Variants in CTNNBL1 observed in about 807,000 individuals in gnomAD.
The protein encoded by CTNNBL1 is beta-catenin-like protein 1.
Under a neutral mutation model 72.7 loss-of-function variants are expected in CTNNBL1, and 31 were observed. The observed-to-expected ratio is 0.43, with a 90% CI of 0.32 to 0.58. CTNNBL1 has a LOEUF of 0.58. CTNNBL1 is among the 20% of genes least tolerant of loss of function. The probability of loss-of-function intolerance (pLI) is 0.08; values close to 1 mark genes in which losing one functional copy is unlikely to be tolerated. For synonymous variants in CTNNBL1, 240 were observed against 267.3 expected (o/e 0.90, Z 1.00); for missense variants, 534 against 725.1 (o/e 0.74, Z 3.03).
intron 15 of CTNNBL1, among the ~76,000 whole-genome samples, chr20:37,860,864 T>A (rs1042915822): frequency 6.6e-6 from 1 of 152,258 alleles, no homozygotes; most frequent in African/African-American, 2.4e-5. Context: ...TAGTTATTGT[T>A]GTTAATCTCT....
chr20:37,758,194 G>A (rs2073381760), intron 5 of CTNNBL1, among the ~76,000 whole-genome samples: 1 of 152,228 alleles, frequency 6.6e-6, no homozygotes, highest in South Asian at 2.1e-4. Context: ...TCATCAGAGA[G>A]GAATTGGAGA....
chr20:37,860,276 G>T lies in CTNNBL1; in HGVS notation c.1535G>T (p.Arg512Leu), dbSNP rs1034379046. The T allele has an allele frequency of 5.6e-6, 9 of 1,613,670 alleles. No individual in the cohort carries two copies. The highest frequency in any genetic ancestry group is 1.3e-5 in the African/African-American group (1 of 74,882). The change falls in exon 15 of 16, where the codon CGC becomes CTC. Residue 512 changes from arginine (R) to leucine (L), a missense_variant. Transcript: ENST00000361383. ...EICNANVPQIRQRVHQILNMR... is the reference protein window; with the variant it reads ...EICNANVPQILQRVHQILNMR... ...ACCCATTTTTTCCCTTATTAGATTC[G>T]CCAGAGGGTTCACCAGATCCTAAAC...
chr20:37,806,577 G>C (rs2071962623), intron 11 of CTNNBL1, among the ~76,000 whole-genome samples: 1 of 152,198 alleles, frequency 6.6e-6, no homozygotes, highest in South Asian at 2.1e-4. Flanking sequence ...ACATATTTAT[G>C]AGGGGAGTCA....
Position 37,737,387 on chromosome 20 carries a change from T to C in CTNNBL1, c.229T>C (p.Leu77=). 6 of 1,612,708 alleles carry C rather than the reference T, an allele frequency of 3.7e-6. No homozygotes were observed. Among genetic ancestry groups the C allele is most frequent in the Middle Eastern group, 1.7e-4 (1 of 6,054 alleles). The part of the protein sequence containing the change: ...GEEEEEEEEP[L]DESSVKKMIL... ...TGTCTCTTTGTACCAGGAGGAGCCA[T>C]TGGATGAAAGCTCAGTGAAGAAAAT... The change falls in exon 3 of 16, where the codon TTG becomes CTG. Residue 77 remains leucine, a synonymous_variant. Coordinates refer to ENST00000361383, the MANE Select transcript of CTNNBL1 (RefSeq NM_030877.5).
intron 11 of CTNNBL1, among the ~76,000 whole-genome samples, chr20:37,806,449 G>T (rs761118910): frequency 2.0e-5 from 3 of 152,218 alleles, no homozygotes; most frequent in Non-Finnish European, 4.4e-5. Context: ...AGTCTGTGGC[G>T]TGTACTAAAG....
intron 11 of CTNNBL1, among the ~76,000 whole-genome samples, chr20:37,831,129 C>T (rs766822903): frequency 2.4e-4 from 37 of 152,190 alleles, no homozygotes; most frequent in Non-Finnish European, 1.6e-4. Context: ...TAGCCATTCA[C>T]CTGCCAGTGT....
chr20:37,782,235 A>G (rs563549564), intron 10 of CTNNBL1, among the ~76,000 whole-genome samples: 1 of 152,294 alleles, frequency 6.6e-6, no homozygotes, highest in South Asian at 2.1e-4. Context: ...ACTATAATAT[A>G]ATTTAATATG....
intron 7 of CTNNBL1, among the ~76,000 whole-genome samples, chr20:37,770,990 G>A (rs1950838069): frequency 6.6e-6 from 1 of 152,096 alleles, no homozygotes; most frequent in African/African-American, 2.4e-5. Context: ...TCAACATCGT[G>A]GTGACTCTTA....
intron 11 of CTNNBL1, among the ~76,000 whole-genome samples, chr20:37,823,788 G>A (rs1360810039): frequency 6.6e-6 from 1 of 152,148 alleles, no homozygotes; most frequent in Non-Finnish European, 1.5e-5. Flanking sequence ...GTGGGGAAAT[G>A]GAAGAACAAA....
rs1435320290 is a variant in CTNNBL1 at position 37,779,952 on chromosome 20, G to A, written c.1031+617G>A. ...AGAATCCTAAAGTTAGAAGCAAAAA[G>A]GGGAGAGGAAGCTTATGTTGATAAC... On this transcript the variant is annotated intron_variant, in intron 10 of 15. Coordinates refer to ENST00000361383, the MANE Select transcript of CTNNBL1 (RefSeq NM_030877.5). Among the ~76,000 whole-genome samples, 17 of 152,010 alleles carry A rather than the reference G, an allele frequency of 1.1e-4. 1 individual carries two copies. Among genetic ancestry groups the A allele is most frequent in the Admixed American group, 1.1e-3 (17 of 15,242 alleles).
intron 5 of CTNNBL1, among the ~76,000 whole-genome samples, chr20:37,764,235 G>A (rs919154315): frequency 1.3e-5 from 2 of 152,168 alleles, no homozygotes; most frequent in South Asian, 2.1e-4. Context: ...GCAGCAGACC[G>A]TGTCTTCAGA....
At chr20:37,757,428 G>C (rs1238676187) in intron 4 of CTNNBL1, 131 bp from the exon 5 acceptor site, 1 of 567,418 alleles carries the variant, frequency 1.8e-6, no homozygotes, top group Non-Finnish European at 3.2e-6. Context: ...TTGAAGAGAT[G>C]TTAATAAAAC....
chr20:37,758,712 T>A (rs752080880), intron 5 of CTNNBL1, among the ~76,000 whole-genome samples: 34 of 152,246 alleles, frequency 2.2e-4, no homozygotes, highest in Admixed American at 3.3e-4. Flanking sequence ...GTTCTTCTTC[T>A]GTTGTTTCTC....
At position 37,819,035 on chromosome 20, in the gene CTNNBL1, G is replaced by A. The variant is rs6021117; in HGVS notation, c.1213+15987G>A. 5.3e-4 allele frequency among the ~76,000 whole-genome samples: 81 copies of A among 152,050 alleles called. 2 individuals are homozygous for A. The highest frequency in any genetic ancestry group is 2.5e-3 in the South Asian group (12 of 4,806). On this transcript the variant is annotated intron_variant, in intron 11 of 15. Coordinates refer to ENST00000361383, the MANE Select transcript of CTNNBL1 (RefSeq NM_030877.5). Reference sequence around the variant, plus strand: ...ACTTTGCTGTATATTTCATCTTTGCGTCATTTCCAATACTGCAGGTATAAA... The same window carrying A: ...ACTTTGCTGTATATTTCATCTTTGCATCATTTCCAATACTGCAGGTATAAA...
intron 1 of CTNNBL1, among the ~76,000 whole-genome samples, chr20:37,709,232 A>T (rs2072916725): frequency 6.6e-6 from 1 of 152,210 alleles, no homozygotes; most frequent in South Asian, 2.1e-4. Context: ...AGCAGGCATG[A>T]TTGATTCTTG....
At chr20:37,820,256 T>C (rs2072094480) in intron 11 of CTNNBL1, among the ~76,000 whole-genome samples, 1 of 152,182 alleles carries the variant, frequency 6.6e-6, no homozygotes, top group South Asian at 2.1e-4. Context: ...TCTGTCTGCT[T>C]TGGAGTTCAT....
At chr20:37,838,424 G>A (rs2072273384) in intron 11 of CTNNBL1, among the ~76,000 whole-genome samples, 2 of 152,182 alleles carry the variant, frequency 1.3e-5, no homozygotes, top group Non-Finnish European at 2.9e-5. Context: ...ATGATTTGAA[G>A]GTAAAGCTGA....
intron 15 of CTNNBL1, among the ~76,000 whole-genome samples, chr20:37,862,179 C>T (rs2072496796): frequency 6.6e-6 from 1 of 152,182 alleles, no homozygotes; most frequent in Admixed American, 6.5e-5. Flanking sequence ...TTCTCATTCT[C>T]AGTGTCAGAT....
At chr20:37,740,254 T>A (rs1040616929) in intron 3 of CTNNBL1, among the ~76,000 whole-genome samples, 1 of 152,218 alleles carries the variant, frequency 6.6e-6, no homozygotes, top group African/African-American at 2.4e-5. Context: ...CCTTGAGTTC[T>A]TGAATTCTCA....
Sources: gnomAD v4.1 joint callset for allele counts (sites outside exome capture counted in the v4.1 genomes callset) on GRCh38, gnomAD v4.1.1 for gene constraint, MANE v1.5 for transcripts, NCBI Gene and HGNC (gene_info 2026-07-23, HGNC 2026-07-21) for gene names.